The following DENND1A variants were observed in gnomAD, a reference collection of about 807,000 sequenced individuals.
DENND1A encodes the protein DENN domain-containing protein 1A.
DENND1A carries 51 observed loss-of-function variants against 113.7 expected under a neutral mutation model. That is an observed-to-expected ratio of 0.45 (90% CI 0.36 to 0.57). The LOEUF (loss-of-function observed/expected upper bound fraction) is 0.57, where lower values mean the gene tolerates loss of function less well. DENND1A is among the 20% of genes least tolerant of loss of function. DENND1A has a pLI of 0.00. For synonymous variants in DENND1A, 565 were observed against 570.8 expected (o/e 0.99, Z 0.14); for missense variants, 1,258 against 1,395.9 (o/e 0.90, Z 1.57).
chr9:123,844,767 C>G (rs1208747051), intron 2 of DENND1A, among the ~76,000 whole-genome samples: 1 of 152,104 alleles, frequency 6.6e-6, no homozygotes, highest in Non-Finnish European at 1.5e-5. Flanking sequence ...GTCAAACAAT[C>G]TTTAAAAAGA....
At chr9:123,616,212 G>A (rs967734067) in intron 10 of DENND1A, among the ~76,000 whole-genome samples, 4 of 152,180 alleles carry the variant, frequency 2.6e-5, no homozygotes, top group African/African-American at 9.7e-5. Context: ...TTATGGGCGT[G>A]AGCCACTGTG....
chr9:123,652,144 C>T (rs370157589), intron 8 of DENND1A, 21 bp from the exon 9 acceptor site: 46 of 1,591,916 alleles, frequency 2.9e-5, no homozygotes, highest in East Asian at 1.8e-4. Flanking sequence ...GAAGAAGGCA[C>T]GGTTTGTGGC....
At chr9:123,770,062 C>T (rs1411758149) in intron 3 of DENND1A, among the ~76,000 whole-genome samples, 1 of 152,094 alleles carries the variant, frequency 6.6e-6, no homozygotes, top group African/African-American at 2.4e-5. Context: ...GATAATTGTC[C>T]CTGAACACTG....
rs117488104 is a variant in DENND1A at position 123,417,291 on chromosome 9, G to A, written c.1489-5462C>T. Among the ~76,000 whole-genome samples the A allele has an allele frequency of 3.2e-4, 49 of 152,334 alleles. No homozygotes were observed. The East Asian group carries it at 9.0e-3, about 28-fold the overall frequency. ...GACGTGAGGACCCTGGTTTTCCAAA[G>A]CTGTGTGCTATCAGCAAGGTTCTGT... is the stretch of plus-strand genomic sequence containing the variant. On this transcript the variant is annotated intron_variant, in intron 19 of 23. Transcript: ENST00000394215.
chr9:123,420,080 T>A (rs997953192), intron 19 of DENND1A, among the ~76,000 whole-genome samples: 1 of 152,174 alleles, frequency 6.6e-6, no homozygotes, highest in Non-Finnish European at 1.5e-5. Context: ...CCTTGCAAGA[T>A]GCTGTACAGG....
At chr9:123,748,647 G>A (rs768392425) in intron 5 of DENND1A, among the ~76,000 whole-genome samples, 6 of 152,164 alleles carry the variant, frequency 3.9e-5, no homozygotes, top group Non-Finnish European at 8.8e-5. Context: ...TAGGAGTGAG[G>A]TGTATTTTGA....
rs2057494524 is a variant in DENND1A, at chr9:123,557,614, C to T, written c.949G>A (p.Ala317Thr). The T allele has an allele frequency of 6.2e-7, 1 of 1,614,086 alleles. No homozygotes were observed. Among genetic ancestry groups the T allele is most frequent in the Non-Finnish European group, 8.5e-7 (1 of 1,179,974 alleles). Residue 317 changes from alanine to threonine, a missense_variant, in exon 13 of 24, where the codon GCT becomes ACT. By Grantham distance (58) the Ala-to-Thr change is moderately conservative. Coordinates refer to ENST00000394215, the MANE Select transcript of DENND1A (RefSeq NM_001352964.2). Reference sequence around the variant, plus strand: ...TTTCGGTAGCTACCGAAGAAAGCAGCCTGGGCCTTGAGGAACGCTCTGGCC... The same window carrying T: ...TTTCGGTAGCTACCGAAGAAAGCAGTCTGGGCCTTGAGGAACGCTCTGGCC... ...GVARAFLKAQ[A>T]AFFGSYRNAL... is the part of the protein sequence containing the mutation.
intron 8 of DENND1A, among the ~76,000 whole-genome samples, chr9:123,666,722 A>G (rs1387282202): frequency 6.6e-6 from 1 of 152,204 alleles, no homozygotes; most frequent in African/African-American, 2.4e-5. Flanking sequence ...AGGTGATTTA[A>G]CTATGTAAAA....
chr9:123,826,502 C>G (rs1002678291), intron 2 of DENND1A, among the ~76,000 whole-genome samples: 10 of 152,188 alleles, frequency 6.6e-5, no homozygotes, highest in African/African-American at 2.2e-4. Flanking sequence ...CCTCAAGCCA[C>G]TGCTGCAATA....
intron 3 of DENND1A, among the ~76,000 whole-genome samples, chr9:123,790,876 C>T (rs754154655): frequency 1.8e-4 from 28 of 152,126 alleles, no homozygotes; most frequent in South Asian, 6.2e-4. Context: ...AAGCTAAACA[C>T]CAAATTGTTA....
At chr9:123,901,000 A>G (rs1218527577) in intron 1 of DENND1A, among the ~76,000 whole-genome samples, 2 of 152,266 alleles carry the variant, frequency 1.3e-5, no homozygotes, top group Admixed American at 1.3e-4. Context: ...AGTTCAATAA[A>G]TTTTGGTTAT....
Position 123,769,530 on chromosome 9 carries a change from G to A in DENND1A, c.166C>T (p.Pro56Ser). ...TGACACTACCTGTCCACATAGAAGG[G>A]GAAACAAAACTTGGTCAAAGTCTGT... ...VLQTLTKFCF[P>S]FYVDSLTVSQ... Residue 56 changes from proline to serine, a missense_variant, in exon 4 of 24, where the codon CCC (proline) becomes TCC (serine). Pro to Ser is a moderately conservative substitution (Grantham distance 74). Coordinates refer to ENST00000394215, the MANE Select transcript of DENND1A (RefSeq NM_001352964.2). 6.2e-7 allele frequency: 1 copy of A among 1,609,400 alleles called. No homozygotes were observed. Among genetic ancestry groups the A allele is most frequent in the Non-Finnish European group, 8.5e-7 (1 of 1,178,464 alleles).
At chr9:123,767,970 A>C (rs556475331) in intron 4 of DENND1A, among the ~76,000 whole-genome samples, 23 of 152,328 alleles carry the variant, frequency 1.5e-4, no homozygotes, top group African/African-American at 4.8e-4. Flanking sequence ...TACATTTTAT[A>C]AGTGGCTGGA....
intron 5 of DENND1A, among the ~76,000 whole-genome samples, chr9:123,692,997 G>A (rs1321106906): frequency 1.3e-5 from 2 of 152,130 alleles, no homozygotes; most frequent in Admixed American, 6.5e-5. Flanking sequence ...GTAAAGAAAT[G>A]GTCAAGATTT....
At chr9:123,550,155 TGGGCTATAA>T (rs1265642883) in intron 13 of DENND1A, among the ~76,000 whole-genome samples, 1 of 152,220 alleles carries the variant, frequency 6.6e-6, no homozygotes. Flanking sequence ...TGCAAAATCA[TGGGCTATAA>T]GGTGGATGAT....
chr9:123,515,034 G>T (rs1293093653), intron 13 of DENND1A, among the ~76,000 whole-genome samples: 2 of 152,178 alleles, frequency 1.3e-5, no homozygotes, highest in African/African-American at 4.8e-5. Context: ...AAGACAACTG[G>T]TCTGGACTCT....
At chr9:123,535,628 T>A (rs1238732427) in intron 13 of DENND1A, among the ~76,000 whole-genome samples, 1 of 152,216 alleles carries the variant, frequency 6.6e-6, no homozygotes, top group African/African-American at 2.4e-5. Context: ...GTTTCTGTAC[T>A]TGCTGTCTGT....
chr9:123,882,780 T>C (rs1848505763), intron 1 of DENND1A, among the ~76,000 whole-genome samples: 1 of 152,214 alleles, frequency 6.6e-6, no homozygotes, highest in Non-Finnish European at 1.5e-5. Context: ...GTCCTGGAGC[T>C]GCACATTGAC....
intron 23 of DENND1A, among the ~76,000 whole-genome samples, chr9:123,383,189 C>G (rs1278226857): frequency 1.3e-5 from 2 of 152,240 alleles, no homozygotes; most frequent in Non-Finnish European, 2.9e-5. Context: ...ACCCCACTTG[C>G]AAGTGAGGAA....
Sources: allele counts gnomAD v4.1 joint callset (sites outside exome capture counted in the v4.1 genomes callset), GRCh38; gene constraint gnomAD v4.1.1; transcripts MANE v1.5; gene names NCBI Gene and HGNC (gene_info 2026-07-23, HGNC 2026-07-21).